The following ASTN2 variants were observed in gnomAD, a reference collection of about 807,000 sequenced individuals.
The protein encoded by ASTN2 is astrotactin 2.
In ASTN2, 54 loss-of-function variants were observed where a neutral mutation model predicts 139.8. That is an observed-to-expected ratio of 0.39 (90% confidence interval 0.31 to 0.48). The LOEUF is 0.48. Ranked by LOEUF, ASTN2 falls within the 20% of genes least tolerant of loss-of-function variation. The pLI is 0.95. For missense variants in ASTN2, 1,565 were observed against 1,725.1 expected (o/e 0.91, Z 1.64); for synonymous variants, 756 against 719.5 (o/e 1.05, Z -0.81).
At chr9:117,024,406 G>A (rs1441422687) in intron 6 of ASTN2, among the ~76,000 whole-genome samples, 1 of 143,886 alleles carries the variant, frequency 6.9e-6, no homozygotes, top group African/African-American at 2.7e-5. Context: ...TCTCAGAATT[G>A]TTTTTTTTTA....
chr9:117,356,617 G>A (rs139083634), intron 1 of ASTN2, among the ~76,000 whole-genome samples: 37 of 152,200 alleles, frequency 2.4e-4, no homozygotes, highest in South Asian at 2.3e-3. Context: ...ATTTTAATGC[G>A]CTTCCATGTA....
At chr9:117,019,240 T>TATC (rs1488749579) in intron 6 of ASTN2, among the ~76,000 whole-genome samples, 1 of 152,160 alleles carries the variant, frequency 6.6e-6, no homozygotes, top group Non-Finnish European at 1.5e-5. Context: ...CAATACTTAA[T>TATC]ATCTCCAAAG....
chr9:117,179,808 T>A (rs1436230101), intron 3 of ASTN2, among the ~76,000 whole-genome samples: 1 of 152,178 alleles, frequency 6.6e-6, no homozygotes, highest in Non-Finnish European at 1.5e-5. Context: ...GATCTGTCAT[T>A]TCAGGCTGCT....
intron 13 of ASTN2, among the ~76,000 whole-genome samples, chr9:116,805,109 A>AGTGTGTGTGTGTGTGTGTGT (rs10681699): frequency 2.1e-5 from 3 of 143,022 alleles, no homozygotes; most frequent in African/African-American, 7.8e-5. Context: ...GGATTTGGGG[A>AGTGTGTGTGTGTGTGTGTGT]GTGTGTGTGT....
chr9:116,768,553 A>G (rs878968082), intron 13 of ASTN2, among the ~76,000 whole-genome samples: 1 of 152,166 alleles, frequency 6.6e-6, no homozygotes, highest in Admixed American at 6.5e-5. Flanking sequence ...TATGGTCTGA[A>G]TATTTCTGTC....
intron 7 of ASTN2, among the ~76,000 whole-genome samples, chr9:116,991,051 T>A (rs1261117815): frequency 6.6e-6 from 1 of 152,196 alleles, no homozygotes; most frequent in Non-Finnish European, 1.5e-5. Context: ...CATTTTCTGG[T>A]AGAAACTCAA....
At chr9:117,395,069 C>T (rs996451599) in intron 1 of ASTN2, among the ~76,000 whole-genome samples, 1 of 152,090 alleles carries the variant, frequency 6.6e-6, no homozygotes, top group Admixed American at 6.6e-5. Flanking sequence ...CTTATTTCTC[C>T]CACAACAAGA....
At chr9:116,533,101 T>C (rs1229001640) in intron 19 of ASTN2, among the ~76,000 whole-genome samples, 1 of 152,204 alleles carries the variant, frequency 6.6e-6, no homozygotes, top group Non-Finnish European at 1.5e-5. Context: ...GATTCCTAGG[T>C]ATTTTATTCT....
intron 2 of ASTN2, among the ~76,000 whole-genome samples, chr9:117,271,146 G>A (rs1834054442): frequency 6.6e-6 from 1 of 152,192 alleles, no homozygotes; most frequent in Non-Finnish European, 1.5e-5. Context: ...AAGAAAAGGA[G>A]GTTTAATTTG....
chr9:116,676,919 T>C (rs1340879005), intron 16 of ASTN2, among the ~76,000 whole-genome samples: 1 of 152,208 alleles, frequency 6.6e-6, no homozygotes, highest in African/African-American at 2.4e-5. Context: ...TTCTAAATCT[T>C]GTAAAAAAGA....
At chr9:117,171,016 AC>A (rs751353266) in intron 3 of ASTN2, among the ~76,000 whole-genome samples, 1 of 152,100 alleles carries the variant, frequency 6.6e-6, no homozygotes, top group Non-Finnish European at 1.5e-5. Context: ...CCGCATCATT[AC>A]CACCAACCAT....
chr9:116,898,263 G>A (rs1054936739), intron 10 of ASTN2, among the ~76,000 whole-genome samples: 1 of 151,790 alleles, frequency 6.6e-6, no homozygotes, highest in Non-Finnish European at 1.5e-5. Context: ...AAAAAATAGC[G>A]CCAAGCATGG....
chr9:116,688,703 C>G (rs1860405193), intron 16 of ASTN2, among the ~76,000 whole-genome samples: 1 of 152,176 alleles, frequency 6.6e-6, no homozygotes, highest in South Asian at 2.1e-4. Flanking sequence ...GGTCATCTGC[C>G]TAAGCCCTTT....
chr9:116,912,587 T>C (rs1221882685), intron 10 of ASTN2, among the ~76,000 whole-genome samples: 2 of 152,372 alleles, frequency 1.3e-5, no homozygotes, highest in East Asian at 1.9e-4. Flanking sequence ...TAGGGATTTC[T>C]TCCCCCTGAA....
chr9:116,615,446 T>C (rs1855794220), intron 19 of ASTN2, among the ~76,000 whole-genome samples: 2 of 152,004 alleles, frequency 1.3e-5, no homozygotes, highest in South Asian at 2.1e-4. Flanking sequence ...TGTGGCACTA[T>C]TCACAATAGC....
intron 11 of ASTN2, among the ~76,000 whole-genome samples, chr9:116,828,156 G>C (rs1831693879): frequency 6.6e-6 from 1 of 152,064 alleles, no homozygotes; most frequent in Non-Finnish European, 1.5e-5. Context: ...AATTAGCTGG[G>C]CATGGTGGCA....
intron 16 of ASTN2, among the ~76,000 whole-genome samples, chr9:116,717,428 G>A (rs1328479262): frequency 6.6e-6 from 1 of 152,150 alleles, no homozygotes; most frequent in Non-Finnish European, 1.5e-5. Context: ...CTTCTGGCGT[G>A]CTGTAGACTA....
chr9:116,782,196 G>C (rs1423678688), intron 13 of ASTN2, among the ~76,000 whole-genome samples: 2 of 152,180 alleles, frequency 1.3e-5, no homozygotes, highest in African/African-American at 4.8e-5. Flanking sequence ...CTCTCTAGCT[G>C]TCAGTGGAGC....
chr9:116,657,084 T>A (rs935402773), intron 16 of ASTN2, among the ~76,000 whole-genome samples: 1 of 152,204 alleles, frequency 6.6e-6, no homozygotes, highest in Non-Finnish European at 1.5e-5. Flanking sequence ...GCGGAGTTAC[T>A]GTCTCCTGTT....
Sources: gnomAD v4.1 joint callset for allele counts (sites outside exome capture counted in the v4.1 genomes callset) on GRCh38, gnomAD v4.1.1 for gene constraint, MANE v1.5 for transcripts, NCBI Gene and HGNC (gene_info 2026-07-23, HGNC 2026-07-21) for gene names.